CHLSN: variants seen among roughly 807,000 people sequenced by gnomAD.
CHLSN encodes protein cholesin.
chr7:987,398 G>A, the CHLSN span: 35 of 1,595,056 alleles, frequency 2.2e-5, no homozygotes, highest in East Asian at 2.0e-4. Flanking sequence ...CGGACTCCCC[G>A]GCTGGAGGAC....
At chr7:1,016,787 A>AG in the CHLSN span, among the ~76,000 whole-genome samples, 361 of 78,362 alleles carry the variant, frequency 4.6e-3, 15 homozygotes, top group African/African-American at 0.017. Flanking sequence ...AGCGCACAGC[A>AG]CACAGCAGCA....
At chr7:1,080,174 C>T in the CHLSN span, among the ~76,000 whole-genome samples, 1 of 152,248 alleles carries the variant, frequency 6.6e-6, no homozygotes, top group Non-Finnish European at 1.5e-5. Flanking sequence ...TAAATGTGCA[C>T]ACACTGTAAG....
chr7:988,244 G>A, the CHLSN span: 15 of 1,548,892 alleles, frequency 9.7e-6, no homozygotes, highest in Non-Finnish European at 1.3e-5. Flanking sequence ...CTTCCCCGGG[G>A]CCCCTCTCTC....
At chr7:987,474 G>C in the CHLSN span, 2 of 1,560,350 alleles carry the variant, frequency 1.3e-6, no homozygotes, top group Non-Finnish European at 1.7e-6. Context: ...CGCTCCTGCC[G>C]CACGTGCCCC....
At chr7:1,021,099 G>C in the CHLSN span, among the ~76,000 whole-genome samples, 12 of 150,054 alleles carry the variant, frequency 8.0e-5, no homozygotes, top group African/African-American at 2.7e-4. Context: ...TGGGGACCTC[G>C]CAGCAGGGAA....
the CHLSN span, chr7:996,839 C>G: frequency 6.6e-6 from 1 of 152,250 alleles, no homozygotes; most frequent in Non-Finnish European, 1.5e-5. Flanking sequence ...TGAACGCAAG[C>G]GATCAGCCAG....
At chr7:1,004,095 G>A in the CHLSN span, among the ~76,000 whole-genome samples, 2 of 152,148 alleles carry the variant, frequency 1.3e-5, no homozygotes, top group South Asian at 2.1e-4. Context: ...GTGCAGTGAC[G>A]CAGGGCTCCT....
chr7:998,158 G>A, the CHLSN span, among the ~76,000 whole-genome samples: 6 of 152,132 alleles, frequency 3.9e-5, no homozygotes, highest in South Asian at 4.1e-4. Flanking sequence ...AGTACGCGCC[G>A]GCACTTGGCA....
the CHLSN span, among the ~76,000 whole-genome samples, chr7:1,016,087 C>A: frequency 8.8e-6 from 1 of 113,554 alleles, no homozygotes; most frequent in Non-Finnish European, 1.8e-5. Context: ...CAGCACACAG[C>A]AGCGCACAGC....
the CHLSN span, among the ~76,000 whole-genome samples, chr7:1,005,715 C>G: frequency 6.6e-6 from 1 of 152,234 alleles, no homozygotes; most frequent in South Asian, 2.1e-4. Context: ...CTGTGCTGGG[C>G]AACATGGGGA....
the CHLSN span, among the ~76,000 whole-genome samples, chr7:1,136,419 T>A: frequency 6.3e-5 from 7 of 111,632 alleles, no homozygotes; most frequent in South Asian, 2.4e-4. Flanking sequence ...AACATATATA[T>A]AAATATATAT....
the CHLSN span, chr7:1,028,256 A>C: frequency 1.8e-6 from 2 of 1,091,984 alleles, no homozygotes; most frequent in African/African-American, 1.7e-5. Context: ...CCGCGCACTG[A>C]CCTCTGACCC....
the CHLSN span, among the ~76,000 whole-genome samples, chr7:990,896 G>A: frequency 6.6e-6 from 1 of 152,118 alleles, no homozygotes; most frequent in Non-Finnish European, 1.5e-5. Flanking sequence ...AGGGGCTGTG[G>A]AAAATCCCTC....
At chr7:1,007,062 C>T in the CHLSN span, among the ~76,000 whole-genome samples, 1 of 152,186 alleles carries the variant, frequency 6.6e-6, no homozygotes, top group Non-Finnish European at 1.5e-5. Flanking sequence ...GTCGACGTGT[C>T]TTGGGGGCAG....
the CHLSN span, among the ~76,000 whole-genome samples, chr7:1,034,484 T>A: frequency 6.6e-6 from 1 of 152,038 alleles, no homozygotes; most frequent in Non-Finnish European, 1.5e-5. Context: ...TGAAATACGA[T>A]GACTAGAAGG....
chr7:1,056,603 C>T, the CHLSN span: 1 of 152,762 alleles, frequency 6.5e-6, no homozygotes, highest in Admixed American at 6.5e-5. Flanking sequence ...CGAGCCTCCT[C>T]TTCCCGCCCT....
At chr7:1,041,303 C>T in the CHLSN span, among the ~76,000 whole-genome samples, 1 of 119,720 alleles carries the variant, frequency 8.4e-6, no homozygotes, top group African/African-American at 3.3e-5. Flanking sequence ...GGGAAGGGGA[C>T]CTGGGGTCCG....
the CHLSN span, among the ~76,000 whole-genome samples, chr7:993,297 T>C: frequency 1.3e-5 from 2 of 152,132 alleles, no homozygotes; most frequent in Admixed American, 1.3e-4. Context: ...GGCCAGGGCC[T>C]GACTGTGACT....
the CHLSN span, among the ~76,000 whole-genome samples, chr7:1,040,883 TGGGA>T: frequency 6.6e-6 from 1 of 152,238 alleles, no homozygotes; most frequent in Non-Finnish European, 1.5e-5. Context: ...GGAGCAGGGC[TGGGA>T]GGATGAGCAA....
Sources: gnomAD v4.1 joint callset for allele counts (sites outside exome capture counted in the v4.1 genomes callset) on GRCh38, gnomAD v4.1.1 for gene constraint, MANE v1.5 for transcripts, NCBI Gene and HGNC (gene_info 2026-07-23, HGNC 2026-07-21) for gene names.